Variants in PHKA2 observed in about 807,000 individuals in gnomAD.
PHKA2 encodes the protein phosphorylase b kinase regulatory subunit alpha, liver isoform.
PHKA2 carries 31 observed loss-of-function variants against 102.0 expected under a neutral mutation model. The ratio of observed to expected loss-of-function variants is 0.30; its 90% CI spans 0.23 to 0.41. The LOEUF is 0.41. Among genes scored for constraint, PHKA2 ranks in the 10% least tolerant of loss-of-function variants. The pLI is 1.00. For synonymous variants in PHKA2, 455 were observed against 416.2 expected, an observed-to-expected ratio of 1.09 and a Z score of -1.13; for missense variants, 858 against 1,023.1, an observed-to-expected ratio of 0.84 and a Z score of 2.20.
intron 1 of PHKA2, among the ~76,000 whole-genome samples, chrX:18,965,343 A>AT (rs2048924362): frequency 8.9e-6 from 1 of 111,994 alleles, no homozygotes; most frequent in African/African-American, 3.2e-5. Context: ...CCTCTTGCCG[A>AT]TACCTGAAAT....
chrX:18,900,768 CCT>C, intron 27 of PHKA2, 69 bp from the exon 28 acceptor site: 1 of 985,471 alleles, frequency 1.0e-6, no homozygotes, highest in South Asian at 1.9e-5. Context: ...CTTCTATTGC[CCT>C]CTCTCTTAAT....
chrX:18,939,556 C>T (rs1186524830), intron 9 of PHKA2, among the ~76,000 whole-genome samples: 7 of 111,795 alleles, frequency 6.3e-5, no homozygotes, highest in Admixed American at 9.5e-5. Context: ...TGCAGTGGCG[C>T]GATTTCGGCT....
intron 20 of PHKA2, among the ~76,000 whole-genome samples, chrX:18,909,634 A>G (rs1424805523): frequency 8.9e-6 from 1 of 112,506 alleles, no homozygotes; most frequent in Non-Finnish European, 1.9e-5. Flanking sequence ...GCCTCTAGCC[A>G]GATTTTCCTT....
chrX:18,898,806 G>A lies in PHKA2; in HGVS notation c.3111+367C>T, dbSNP rs1362974054. Among the ~76,000 whole-genome samples, 3 of 112,216 alleles carry A rather than the reference G, an allele frequency of 2.7e-5. No homozygotes were observed. The Admixed American group carries it at 2.8e-4, about 11-fold the overall frequency. On this transcript the variant is annotated intron_variant, in intron 29 of 32. Coordinates refer to ENST00000379942, the MANE Select transcript of PHKA2 (RefSeq NM_000292.3). ...CTGCACGAGATCTGGGGCATGGCAGGTGCAGAGTGCTAGTTGGCACATGTG... is the reference window on the plus strand; with the variant it reads ...CTGCACGAGATCTGGGGCATGGCAGATGCAGAGTGCTAGTTGGCACATGTG...
chrX:18,911,954 G>A (rs188463599), intron 19 of PHKA2, among the ~76,000 whole-genome samples: 108 of 111,874 alleles, frequency 9.7e-4, no homozygotes, highest in African/African-American at 3.2e-3. Flanking sequence ...CTTGGCTTCC[G>A]GTCCAGTATG....
At chrX:18,916,871 A>G (rs1336971949) in intron 19 of PHKA2, among the ~76,000 whole-genome samples, 1 of 108,848 alleles carries the variant, frequency 9.2e-6, no homozygotes, top group African/African-American at 3.4e-5. Flanking sequence ...AGAATGGGCT[A>G]ATACATTTTT....
At chrX:18,941,386 C>T in intron 8 of PHKA2, 143 bp downstream of exon 8, 1 of 585,026 alleles carries the variant, frequency 1.7e-6, no homozygotes, top group South Asian at 2.4e-5. Flanking sequence ...ACTTTGTTTT[C>T]TTGCCTGTAG....
At chrX:18,912,957 T>C (rs1346767290) in intron 19 of PHKA2, among the ~76,000 whole-genome samples, 2 of 109,836 alleles carry the variant, frequency 1.8e-5, no homozygotes, top group African/African-American at 6.6e-5. Flanking sequence ...TGCATGCCTG[T>C]AGTCCCAGCT....
Position 18,900,717 on chromosome X carries a change from T to A in PHKA2, c.3028-18A>T. On this transcript the variant is annotated intron_variant, in intron 27 of 32. Transcript: ENST00000379942. Reference sequence around the variant, plus strand: ...CTAGTCATCTGAAAGCAAAAATACATCAGGAAATCAAAACCAGCTTTGAGC... The same window carrying A: ...CTAGTCATCTGAAAGCAAAAATACAACAGGAAATCAAAACCAGCTTTGAGC... The A allele has an allele frequency of 8.3e-7, 1 of 1,199,902 alleles. No individual in the cohort carries two copies. Among genetic ancestry groups the A allele is most frequent in the Non-Finnish European group, 1.1e-6 (1 of 884,791 alleles).
chrX:18,934,643 T>C (rs185688733), intron 11 of PHKA2, among the ~76,000 whole-genome samples: 82 of 112,995 alleles, frequency 7.3e-4, no homozygotes, highest in African/African-American at 2.6e-3. Context: ...AATAGTTCCT[T>C]TTAGATGAAA....
intron 11 of PHKA2, among the ~76,000 whole-genome samples, chrX:18,933,354 G>A (rs1008865470): frequency 1.8e-5 from 2 of 112,604 alleles, no homozygotes; most frequent in South Asian, 3.6e-4. Flanking sequence ...GGACCAGCTC[G>A]TCTGGCCCCT....
Position 18,912,230 on chromosome X carries a change from T to C in PHKA2, c.2138-1270A>G, listed in dbSNP as rs2047938794. 3.6e-5 allele frequency among the ~76,000 whole-genome samples: 4 copies of C among 112,331 alleles called. No individual in the cohort carries two copies. The South Asian group carries it at 1.5e-3, about 41-fold the overall frequency. Reference sequence around the variant, plus strand: ...ACATTACAGAAAATATATACAGTCATGCATTGTTTAATGACAGGGATACAT... The same window carrying C: ...ACATTACAGAAAATATATACAGTCACGCATTGTTTAATGACAGGGATACAT... On this transcript the variant is annotated intron_variant, in intron 19 of 32. Transcript: ENST00000379942.
At chrX:18,968,341 C>G (rs2048972904) in intron 1 of PHKA2, among the ~76,000 whole-genome samples, 1 of 112,586 alleles carries the variant, frequency 8.9e-6, no homozygotes, top group Non-Finnish European at 1.9e-5. Flanking sequence ...TAGCTATATT[C>G]TCATATATGC....
chrX:18,899,642 C>A (rs1365085479), intron 28 of PHKA2, among the ~76,000 whole-genome samples: 1 of 111,539 alleles, frequency 9.0e-6, no homozygotes, highest in African/African-American at 3.3e-5. Flanking sequence ...CATGCTGCAC[C>A]TAACATTCAG....
chrX:18,974,360 A>T (rs1032624726), intron 1 of PHKA2, among the ~76,000 whole-genome samples: 1 of 111,389 alleles, frequency 9.0e-6, no homozygotes, highest in African/African-American at 3.3e-5. Context: ...TATACTCCAC[A>T]TAAACTGTCG....
At chrX:18,961,705 C>A (rs772916295) in intron 1 of PHKA2, among the ~76,000 whole-genome samples, 4 of 107,683 alleles carry the variant, frequency 3.7e-5, no homozygotes, top group African/African-American at 1.4e-4. Flanking sequence ...TATGCATGTC[C>A]TTCTGTTCAG....
rs141146446 is a variant in PHKA2, at chrX:18,924,483, T to C, written c.1612A>G (p.Met538Val). 6 of 1,210,793 alleles carry C rather than the reference T, an allele frequency of 5.0e-6. No homozygotes were observed. Among genetic ancestry groups the C allele is most frequent in the Non-Finnish European group, 6.7e-6 (6 of 894,766 alleles). ...TCGATCCTTAGCATCTCCACGATCA[T>C]CTCATTGTCGAGGGCCAGGTAGAAG... ...HHFYLALDNE[M>V]IVEMLRIELA... is the part of the protein sequence containing the mutation. Residue 538 changes from methionine (M) to valine (V), a missense_variant, in exon 16 of 33, where the codon ATG becomes GTG. Physicochemically the swap from Met to Val is conservative, Grantham distance 21. Transcript: ENST00000379942.
chrX:18,897,025 C>G, intron 30 of PHKA2, 138 bp downstream of exon 30: 6 of 719,703 alleles, frequency 8.3e-6, no homozygotes, highest in Non-Finnish European at 1.3e-5. Context: ...GAGAATGCCT[C>G]GGCCCCAGGT....
At position 18,941,652 on chromosome X, in the gene PHKA2, T is replaced by A; in HGVS notation, c.741A>T (p.Pro247=). ...CAATTTCTTTAGATGTCGACGCTCT[T>A]GGCAGCATGGAGAACAGAATAGACT... ...HCQSILFSML[P]RASTSKEIDA... Residue 247 remains proline, a synonymous_variant, in exon 8 of 33, where the codon CCA becomes CCT. Transcript: ENST00000379942. The A allele has an allele frequency of 8.5e-7, 1 of 1,171,247 alleles. No individual in the cohort carries two copies. The highest frequency in any genetic ancestry group is 1.2e-6 in the Non-Finnish European group (1 of 857,896).
Sources: allele counts gnomAD v4.1 joint callset (sites outside exome capture counted in the v4.1 genomes callset), GRCh38; gene constraint gnomAD v4.1.1; transcripts MANE v1.5; gene names NCBI Gene and HGNC (gene_info 2026-07-23, HGNC 2026-07-21).